RAVER2: variants seen among roughly 807,000 people sequenced by gnomAD.
The protein encoded by RAVER2 is ribonucleoprotein, PTB binding 2.
Under a neutral mutation model 78.1 loss-of-function variants are expected in RAVER2, and 46 were observed. The observed-to-expected ratio is 0.59, with a 90% CI of 0.46 to 0.75. The LOEUF is 0.75. Among genes scored for constraint, RAVER2 ranks in the 30% least tolerant of loss-of-function variants. The probability of loss-of-function intolerance (pLI) is 0.00; values close to 1 mark genes in which losing one functional copy is unlikely to be tolerated. For synonymous variants in RAVER2, 311 were observed against 313.3 expected, an observed-to-expected ratio of 0.99 and a Z score of 0.08; for missense variants, 793 against 837.5, an observed-to-expected ratio of 0.95 and a Z score of 0.66.
rs979024702 is a variant in RAVER2 at position 64,745,871 on chromosome 1, G to T, written c.249+450G>T. ...TCCCCGGTGCTCGGGAGTGCCATAG[G>T]GGGCAGGGGCACGAGAGAGCTGGGA... On this transcript the variant is annotated intron_variant, in intron 1 of 11. Transcript: ENST00000294428. The surrounding 1 kb of genome is among the most constrained non-coding windows in gnomAD (Gnocchi z 4.3). Among the ~76,000 whole-genome samples the T allele has an allele frequency of 1.3e-5, 2 of 152,168 alleles. No individual in the cohort carries two copies. The highest frequency in any genetic ancestry group is 3.9e-4 in the East Asian group (2 of 5,178).
Position 64,745,694 on chromosome 1 carries a change from C to G in RAVER2, c.249+273C>G, listed in dbSNP as rs115998144. Among the ~76,000 whole-genome samples the G allele has an allele frequency of 1.8e-3, 271 of 152,076 alleles. No homozygotes were observed. The highest frequency in any genetic ancestry group is 6.3e-3 in the African/African-American group (260 of 41,472). On this transcript the variant is annotated intron_variant, in intron 1 of 11. Coordinates refer to ENST00000294428, the Ensembl canonical transcript of RAVER2. This position sits in a 1 kb window ranked among gnomAD's most constrained non-coding sequence, Gnocchi z 4.3. ...AGGGGCTGCTGCCTCCAAGTTCGGC[C>G]CGGTCTTTCCTTCCCCTACGGCCGT... is the stretch of plus-strand genomic sequence containing the variant.
At chr1:64,804,789 C>A in exon 7 of RAVER2, 2 of 1,551,944 alleles carry the variant, frequency 1.3e-6, no homozygotes, top group Non-Finnish European at 1.8e-6. Context: ...TCTCATATAC[C>A]ACTGGCACAA....
intron 1 of RAVER2, among the ~76,000 whole-genome samples, chr1:64,761,036 C>T (rs546633573): frequency 5.3e-5 from 8 of 152,080 alleles, no homozygotes; most frequent in Non-Finnish European, 1.2e-4. Flanking sequence ...TGATAAAATC[C>T]AGCTTTAAAA....
At chr1:64,807,563 A>G (rs1025122062) in intron 9 of RAVER2, 89 bp downstream of exon 9, 1 of 1,261,258 alleles carries the variant, frequency 7.9e-7, no homozygotes, top group Middle Eastern at 2.4e-4. Flanking sequence ...TGTCGTGTCA[A>G]TGAAATGATG....
chr1:64,804,466 T>C lies in RAVER2; in HGVS notation c.1192-268T>C, dbSNP rs373216167. ...TTAAATGAATAAATAAATGAATGAA[T>C]AGAATGTCACTGTCATTGAAACCAA... On this transcript the variant is annotated intron_variant, in intron 6 of 11. Transcript: ENST00000294428. Among the ~76,000 whole-genome samples, 26 of 152,286 alleles carry C rather than the reference T, an allele frequency of 1.7e-4. No individual in the cohort carries two copies. The East Asian group carries it at 3.9e-3, about 23-fold the overall frequency.
intron 11 of RAVER2, among the ~76,000 whole-genome samples, chr1:64,823,965 C>T (rs1247304445): frequency 1.3e-5 from 2 of 152,070 alleles, no homozygotes; most frequent in African/African-American, 4.8e-5. Flanking sequence ...CACCACCATG[C>T]CCAGCTAATT....
At chr1:64,775,377 A>G (rs1039516282) in intron 2 of RAVER2, among the ~76,000 whole-genome samples, 1 of 152,176 alleles carries the variant, frequency 6.6e-6, no homozygotes, top group Non-Finnish European at 1.5e-5. Context: ...TTAAATGTCT[A>G]GCTTCCCCTA....
chr1:64,774,163 C>T (rs933473531), intron 2 of RAVER2, among the ~76,000 whole-genome samples: 2 of 152,286 alleles, frequency 1.3e-5, no homozygotes, highest in South Asian at 4.1e-4. Flanking sequence ...TTTTGCTGTG[C>T]AGAAGCTCTT....
intron 8 of RAVER2, among the ~76,000 whole-genome samples, chr1:64,805,318 G>A (rs537273157): frequency 6.6e-6 from 1 of 152,218 alleles, no homozygotes; most frequent in East Asian, 1.9e-4. Context: ...TTCCCCTATT[G>A]GATATGCTTT....
In RAVER2 at chr1:64,760,092, G is replaced by T. The variant is rs1651979407; in HGVS notation, c.250-8564G>T. Among the ~76,000 whole-genome samples the T allele has an allele frequency of 8.0e-5, 12 of 149,844 alleles. No homozygotes were observed. In the South Asian group the frequency reaches 2.5e-3, roughly 32 times the overall value. On this transcript the variant is annotated intron_variant, in intron 1 of 11. Transcript: ENST00000294428. ...AAAATATGGATGATAGCTGCTGTAA[G>T]GGTTGTGATGTGGAAAAAAAAAAAA... is the stretch of plus-strand genomic sequence containing the variant.
chr1:64,798,954 T>A (rs1448939349), intron 5 of RAVER2, among the ~76,000 whole-genome samples: 2 of 152,212 alleles, frequency 1.3e-5, no homozygotes, highest in Non-Finnish European at 1.5e-5. Context: ...AAGTCCTCTC[T>A]TCTAGCTATT....
chr1:64,780,445 A>G (rs146781094), intron 3 of RAVER2, among the ~76,000 whole-genome samples: 2 of 152,322 alleles, frequency 1.3e-5, no homozygotes, highest in African/African-American at 4.8e-5. Flanking sequence ...CTAAATATAC[A>G]AGGAAGTAGA....
At chr1:64,760,650 T>C (rs1651994647) in intron 1 of RAVER2, among the ~76,000 whole-genome samples, 1 of 151,970 alleles carries the variant, frequency 6.6e-6, no homozygotes, top group Non-Finnish European at 1.5e-5. Context: ...GTTAGGGAAT[T>C]TGGATTTTAT....
intron 1 of RAVER2, among the ~76,000 whole-genome samples, chr1:64,750,427 G>C (rs1019120586): frequency 4.0e-5 from 6 of 151,410 alleles, no homozygotes; most frequent in African/African-American, 1.2e-4. Context: ...TTCCATCTCA[G>C]CCATCTGAGA....
At chr1:64,811,059 T>C (rs1409871072) in intron 9 of RAVER2, among the ~76,000 whole-genome samples, 2 of 152,200 alleles carry the variant, frequency 1.3e-5, no homozygotes. Context: ...ACAAACCTAT[T>C]ATTAAAAAGT....
chr1:64,763,125 C>T (rs928369023), intron 1 of RAVER2, among the ~76,000 whole-genome samples: 16 of 152,000 alleles, frequency 1.1e-4, no homozygotes, highest in Non-Finnish European at 1.9e-4. Flanking sequence ...CTGGCTAACA[C>T]GGTGAAACTC....
intron 1 of RAVER2, among the ~76,000 whole-genome samples, chr1:64,761,629 GCTTT>G (rs1652024006): frequency 6.6e-6 from 1 of 152,124 alleles, no homozygotes; most frequent in Admixed American, 6.5e-5. Context: ...AATGTTGACA[GCTTT>G]CTTTCTGAGA....
chr1:64,761,883 G>A (rs571338478), intron 1 of RAVER2, among the ~76,000 whole-genome samples: 1 of 152,132 alleles, frequency 6.6e-6, no homozygotes, highest in South Asian at 2.1e-4. Context: ...GCCGAGGCAG[G>A]TGTATTGCTT....
intron 5 of RAVER2, 70 bp from the exon 6 acceptor site, chr1:64,802,906 T>C (rs2274369): frequency 0.054 from 54,320 of 1,006,580 alleles, 2,732 homozygotes; most frequent in East Asian, 0.25. Flanking sequence ...TTTACCCTTT[T>C]CGAAGCTTGG....
Sources: gnomAD v4.1 joint callset for allele counts (sites outside exome capture counted in the v4.1 genomes callset) on GRCh38, gnomAD v4.1.1 for gene constraint, Gnocchi (gnomAD v3.1) non-coding constraint, MANE v1.5 for transcripts, NCBI Gene and HGNC (gene_info 2026-07-23, HGNC 2026-07-21) for gene names.